ITIH4: variants seen among roughly 807,000 people sequenced by gnomAD.
ITIH4 encodes inter-alpha-trypsin inhibitor heavy chain H4.
A neutral mutation model predicts 111.8 loss-of-function variants in ITIH4; 79 were observed. The ratio of observed to expected loss-of-function variants is 0.71; its 90% CI spans 0.59 to 0.85. The LOEUF (loss-of-function observed/expected upper bound fraction) is 0.85, where lower values mean the gene tolerates loss of function less well. Ranked by LOEUF, ITIH4 falls within the 40% of genes least tolerant of loss-of-function variation. The pLI is 0.00. For synonymous variants in ITIH4, 472 were observed against 468.3 expected, an observed-to-expected ratio of 1.01 and a Z score of -0.10; for missense variants, 1,065 against 1,195.8, an observed-to-expected ratio of 0.89 and a Z score of 1.61.
At chr3:52,830,507 G>T (rs776385591) in intron 1 of ITIH4, 46 bp downstream of exon 1, 26 of 1,562,066 alleles carry the variant, frequency 1.7e-5, no homozygotes, top group Non-Finnish European at 2.2e-5. Flanking sequence ...CTTCCCAGGC[G>T]TTCTCTCATC....
Position 52,813,426 on chromosome 3 carries a change from G to A in ITIH4, c.2788C>T (p.Leu930=), listed in dbSNP as rs1470587273. The A allele has an allele frequency of 6.2e-7, 1 of 1,613,896 alleles. No homozygotes were observed. Among genetic ancestry groups the A allele is most frequent in the South Asian group, 1.1e-5 (1 of 91,078 alleles). The change falls in exon 24 of 24, where the codon CTG becomes TTG. Residue 930 remains leucine (L), a synonymous_variant. Transcript: ENST00000266041. ...GVEISCWSVE[L] ...CACAGCTCCTTCCATCAGAACTACA[G>A]CTCCACAGACCAGCAGGAAATCTCC...
Position 52,827,167 on chromosome 3 carries a change from G to T in ITIH4, c.282C>A (p.Ile94=). Residue 94 remains isoleucine (I), a synonymous_variant, in exon 3 of 24, where the codon ATC becomes ATA. Coordinates refer to ENST00000266041, the MANE Select transcript of ITIH4 (RefSeq NM_002218.5). ...CCTGGGCTTCAGCCTTCTCCTTGATGATCCCTGGGTAGGTCATGCCATCGA... is the reference window on the plus strand; with the variant it reads ...CCTGGGCTTCAGCCTTCTCCTTGATTATCCCTGGGTAGGTCATGCCATCGA... ...MIIDGMTYPG[I]IKEKAEAQAQ... 6.2e-7 allele frequency: 1 copy of T among 1,614,138 alleles called. No homozygotes were observed. Among genetic ancestry groups the T allele is most frequent in the Non-Finnish European group, 8.5e-7 (1 of 1,179,998 alleles).
chr3:52,817,974 G>T, intron 20 of ITIH4, 78 bp downstream of exon 20: 1 of 1,110,750 alleles, frequency 9.0e-7, no homozygotes, highest in Non-Finnish European at 1.4e-6. Flanking sequence ...CAGCCTGCAC[G>T]CGCTGTGTGT....
intron 12 of ITIH4, 39 bp from the exon 13 acceptor site, chr3:52,820,824 A>G (rs761132174): frequency 1.3e-6 from 2 of 1,572,824 alleles, no homozygotes; most frequent in Admixed American, 3.6e-5. Flanking sequence ...AGATCCTTGA[A>G]TTCGGGAACA....
intron 6 of ITIH4, 65 bp downstream of exon 6, chr3:52,825,821 A>T: frequency 2.6e-6 from 4 of 1,540,838 alleles, no homozygotes; most frequent in Non-Finnish European, 3.5e-6. Context: ...TAAAATACCC[A>T]AGCTCAGGCC....
Position 52,823,680 on chromosome 3 carries a change from T to C in ITIH4, c.1415A>G (p.Asn472Ser), listed in dbSNP as rs755577420. 3.1e-6 allele frequency: 5 copies of C among 1,614,022 alleles called. No homozygotes were observed. The highest frequency in any genetic ancestry group is 4.2e-6 in the Non-Finnish European group (5 of 1,180,028). ...GTTCTGAGTGACCTCCTCCACGGCATTGCTTGGGTACTCGAAGGTCACTGC... is the reference window on the plus strand; with the variant it reads ...GTTCTGAGTGACCTCCTCCACGGCACTGCTTGGGTACTCGAAGGTCACTGC... ...LTAVTFEYPS[N>S]AVEEVTQNNF... Residue 472 changes from asparagine to serine, a missense_variant, in exon 11 of 24, where the codon AAT becomes AGT. Coordinates refer to ENST00000266041, the MANE Select transcript of ITIH4 (RefSeq NM_002218.5).
In ITIH4 at chr3:52,819,772, T is replaced by C. The variant is rs1436862806; in HGVS notation, c.1933A>G (p.Arg645Gly). The change falls in exon 16 of 24, where the codon AGA (arginine) becomes GGA (glycine). Residue 645 changes from arginine to glycine, a missense_variant. Coordinates refer to ENST00000266041, the MANE Select transcript of ITIH4 (RefSeq NM_002218.5). ...PKPEASFSPR[R>G]GWNRQAGAAG... ...AAACTACCTTGTCTATTCCATCCTC[T>C]TCTTGGAGAAAAGGAAGCCTCTGTG... 14 of 1,613,974 alleles carry C rather than the reference T, an allele frequency of 8.7e-6. No homozygotes were observed. The highest frequency in any genetic ancestry group is 2.7e-5 in the African/African-American group (2 of 74,900).
In ITIH4 at chr3:52,826,162, T is replaced by C. The variant is rs894017398; in HGVS notation, c.631-148A>G. The C allele has an allele frequency of 3.9e-5, 44 of 1,130,046 alleles. 1 individual carries two copies. The highest frequency in any genetic ancestry group is 7.8e-5 in the African/African-American group (5 of 63,788). 70.0% of individuals were successfully genotyped at this position (1,130,046 alleles called of 1,614,324 possible). ...GGGCACTTTCTTTCAGGCTGAGTTA[T>C]TGATGGACCACTTTCACGTAGGGGA... On this transcript the variant is annotated intron_variant, in intron 5 of 23. Transcript: ENST00000266041.
chr3:52,816,059 T>C (rs1005081321), intron 21 of ITIH4, among the ~76,000 whole-genome samples: 1 of 152,192 alleles, frequency 6.6e-6, no homozygotes, highest in Non-Finnish European at 1.5e-5. Flanking sequence ...ATCTGTCAAG[T>C]GCAAGGGAGT....
chr3:52,825,058 C>A, intron 6 of ITIH4, 100 bp from the exon 7 acceptor site: 2 of 747,708 alleles, frequency 2.7e-6, no homozygotes, highest in East Asian at 2.7e-5. Flanking sequence ...GTGCTCTGTT[C>A]CAATCCCATT....
rs892561746 is a variant in ITIH4, at chr3:52,824,078, C to T, written c.1172-74G>A. On this transcript the variant is annotated intron_variant, in intron 9 of 23. Coordinates refer to ENST00000266041, the MANE Select transcript of ITIH4 (RefSeq NM_002218.5). The surrounding 1 kb of genome is among the most constrained non-coding windows in gnomAD (Gnocchi z 4.3). ...AAGAATATTTCTGGAACCTCAGAGCCGAGGGGCCTCAGTGACCCCCTCTCC... is the reference window on the plus strand; with the variant it reads ...AAGAATATTTCTGGAACCTCAGAGCTGAGGGGCCTCAGTGACCCCCTCTCC... 79 of 1,556,024 alleles carry T rather than the reference C, an allele frequency of 5.1e-5. No individual in the cohort carries two copies. In the Admixed American group the frequency reaches 6.8e-4, roughly 13 times the overall value.
Position 52,817,056 on chromosome 3 carries a change from C to T in ITIH4, c.2299G>A (p.Val767Ile). The change falls in exon 21 of 24, where the codon GTT (valine) becomes ATT (isoleucine). Residue 767 changes from valine to isoleucine, a missense_variant and splice_region_variant. Coordinates refer to ENST00000266041, the MANE Select transcript of ITIH4 (RefSeq NM_002218.5). Reference sequence around the variant, plus strand: ...CTCTCATACTGGCCAGTCACCTCAACCCCTGGGAGGACCAGACCAGAGAGG... The same window carrying T: ...CTCTCATACTGGCCAGTCACCTCAATCCCTGGGAGGACCAGACCAGAGAGG... ...VNLLSDPEQG[V>I]EVTGQYEREK... The T allele has an allele frequency of 1.2e-6, 2 of 1,612,696 alleles. No homozygotes were observed. The highest frequency in any genetic ancestry group is 1.7e-6 in the Non-Finnish European group (2 of 1,179,318).
At position 52,818,034 on chromosome 3, in the gene ITIH4, T is replaced by C. The variant is rs772754395; in HGVS notation, c.2296+18A>G. 3.1e-6 allele frequency: 5 copies of C among 1,587,676 alleles called. No homozygotes were observed. Among genetic ancestry groups the C allele is most frequent in the Non-Finnish European group, 4.3e-6 (5 of 1,157,408 alleles). On this transcript the variant is annotated intron_variant, in intron 20 of 23. Coordinates refer to ENST00000266041, the MANE Select transcript of ITIH4 (RefSeq NM_002218.5). The stretch of plus-strand genomic sequence containing the variant: ...TGTGCCAGTGGTGTCTGGGTCTCTC[T>C]GGGTGTGCCTCTCTCACCTTGCTCA...
At chr3:52,816,807 G>A in intron 21 of ITIH4, 77 bp downstream of exon 21, 6 of 1,431,128 alleles carry the variant, frequency 4.2e-6, no homozygotes, top group African/African-American at 1.4e-5. Flanking sequence ...ATGGCCTCAG[G>A]CCACCTGCTG....
chr3:52,829,304 T>C (rs1426738032), intron 1 of ITIH4, 25 bp from the exon 2 acceptor site: 2 of 1,586,960 alleles, frequency 1.3e-6, no homozygotes, highest in Non-Finnish European at 1.7e-6. Flanking sequence ...AAGAAGGGGG[T>C]TGCAGGGTTT....
intron 2 of ITIH4, among the ~76,000 whole-genome samples, chr3:52,827,519 C>A (rs552634919): frequency 6.6e-6 from 1 of 152,220 alleles, no homozygotes; most frequent in African/African-American, 2.4e-5. Context: ...CCAGTCTGGC[C>A]GAAGCTGGCC....
At position 52,826,465 on chromosome 3, in the gene ITIH4, C is replaced by T; in HGVS notation, c.630+76G>A. On this transcript the variant is annotated intron_variant, in intron 5 of 23. Transcript: ENST00000266041. ...AGGAGGGAGAGCCCATCCTGCTTTCCAGAAATCCGGGCTCATAGGGCTGGC... is the reference window on the plus strand; with the variant it reads ...AGGAGGGAGAGCCCATCCTGCTTTCTAGAAATCCGGGCTCATAGGGCTGGC... 3 of 1,114,158 alleles carry T rather than the reference C, an allele frequency of 2.7e-6. No homozygotes were observed. The South Asian group carries it at 3.7e-5, about 14-fold the overall frequency. The allele number at this position is 1,114,158 out of a possible 1,614,324, so 69.0% of individuals were successfully genotyped here.
At chr3:52,817,923 G>A in intron 20 of ITIH4, 129 bp downstream of exon 20, 1 of 771,220 alleles carries the variant, frequency 1.3e-6, no homozygotes, top group Non-Finnish European at 2.3e-6. Flanking sequence ...AGCACTGGGA[G>A]GCAGGACCAT....
intron 1 of ITIH4, chr3:52,829,937 T>C (rs538268565): frequency 3.7e-4 from 74 of 197,390 alleles, no homozygotes; most frequent in South Asian, 2.0e-3. Flanking sequence ...GAGGTCTGTG[T>C]CCCCCGAGGA....
Sources: gnomAD v4.1 joint callset for allele counts (sites outside exome capture counted in the v4.1 genomes callset) on GRCh38, gnomAD v4.1.1 for gene constraint, Gnocchi (gnomAD v3.1) non-coding constraint, MANE v1.5 for transcripts, NCBI Gene and HGNC (gene_info 2026-07-23, HGNC 2026-07-21) for gene names.